The following PCDH15 variants were observed in gnomAD, a reference collection of about 807,000 sequenced individuals.
The protein encoded by PCDH15 is protocadherin related 15, also known as protocadherin-15.
In PCDH15, 129 loss-of-function variants were observed where a neutral mutation model predicts 178.5. The ratio of observed to expected loss-of-function variants is 0.72; its 90% CI spans 0.63 to 0.84. The LOEUF (loss-of-function observed/expected upper bound fraction) is 0.84. PCDH15 is among the 40% of genes least tolerant of loss of function. The pLI is 0.00. For missense variants in PCDH15, 2,230 were observed against 2,099.9 expected, an observed-to-expected ratio of 1.06 and a Z score of -1.21; for synonymous variants, 800 against 732.0, an observed-to-expected ratio of 1.09 and a Z score of -1.50.
At chr10:53,862,901 T>G (rs201144329) in intron 27 of PCDH15, among the ~76,000 whole-genome samples, 1 of 152,148 alleles carries the variant, frequency 6.6e-6, no homozygotes, top group Admixed American at 6.5e-5. Flanking sequence ...GCTGCCTAGA[T>G]AGATATACAG....
At chr10:54,592,913 T>G (rs1253128022) in intron 2 of PCDH15, among the ~76,000 whole-genome samples, 2 of 152,192 alleles carry the variant, frequency 1.3e-5, no homozygotes, top group Non-Finnish European at 2.9e-5. Context: ...GGTTTTGATT[T>G]GTATTTCCTG....
At chr10:54,252,950 G>T (rs2056609648) in intron 8 of PCDH15, among the ~76,000 whole-genome samples, 1 of 151,792 alleles carries the variant, frequency 6.6e-6, no homozygotes, top group South Asian at 2.1e-4. Context: ...TGCCTTACTT[G>T]GTGCCTGACA....
chr10:55,030,463 C>G (rs1320811860), intron 2 of PCDH15, among the ~76,000 whole-genome samples: 4 of 152,096 alleles, frequency 2.6e-5, no homozygotes, highest in Admixed American at 6.6e-5. Context: ...CTGGATAATA[C>G]AAGGCTTAGC....
intron 2 of PCDH15, among the ~76,000 whole-genome samples, chr10:55,538,579 T>C (rs1841657642): frequency 1.9e-5 from 1 of 51,410 alleles, no homozygotes; most frequent in Non-Finnish European, 3.8e-5. Flanking sequence ...CCTTCCTCCT[T>C]TCCTTCCTTC....
intron 2 of PCDH15, among the ~76,000 whole-genome samples, chr10:55,428,195 T>C (rs1838801894): frequency 6.6e-6 from 1 of 152,036 alleles, no homozygotes; most frequent in Non-Finnish European, 1.5e-5. Context: ...TATTAATGTG[T>C]TGTTAAAGCA....
intron 15 of PCDH15, among the ~76,000 whole-genome samples, chr10:54,119,560 C>A (rs73239926): frequency 1.3e-5 from 2 of 151,816 alleles, no homozygotes; most frequent in East Asian, 1.9e-4. Flanking sequence ...AGAAAACAAC[C>A]TGGAAATTAC....
chr10:55,356,281 G>A (rs1316608401), intron 2 of PCDH15, among the ~76,000 whole-genome samples: 1 of 151,504 alleles, frequency 6.6e-6, no homozygotes, highest in African/African-American at 2.4e-5. Flanking sequence ...ATAAGAGATG[G>A]GAGAAAGGAG....
At chr10:54,653,283 T>C (rs1015473903) in intron 2 of PCDH15, among the ~76,000 whole-genome samples, 4 of 152,188 alleles carry the variant, frequency 2.6e-5, no homozygotes, top group Admixed American at 1.3e-4. Flanking sequence ...CATTAAATAA[T>C]TGGACATTCA....
intron 21 of PCDH15, among the ~76,000 whole-genome samples, chr10:53,976,088 T>A (rs2090159542): frequency 6.6e-6 from 1 of 152,154 alleles, no homozygotes; most frequent in Non-Finnish European, 1.5e-5. Flanking sequence ...GGTGTGTGAC[T>A]TTATTTCTGA....
chr10:54,748,654 C>T (rs1325735282), intron 1 of PCDH15, among the ~76,000 whole-genome samples: 6 of 152,104 alleles, frequency 3.9e-5, no homozygotes, highest in Non-Finnish European at 8.8e-5. Context: ...AAAGGGTTTC[C>T]GGTGCACTCT....
chr10:55,304,250 A>G (rs1214180587), intron 1 of PCDH15, among the ~76,000 whole-genome samples: 1 of 152,146 alleles, frequency 6.6e-6, no homozygotes, highest in Admixed American at 6.5e-5. Context: ...TTGGATGGAA[A>G]TAATAGGTTT....
intron 3 of PCDH15, among the ~76,000 whole-genome samples, chr10:54,412,098 G>A (rs1015522698): frequency 6.6e-5 from 10 of 151,928 alleles, no homozygotes; most frequent in Non-Finnish European, 1.5e-4. Flanking sequence ...CATGTGATGG[G>A]CAAAAGAGCC....
intron 2 of PCDH15, among the ~76,000 whole-genome samples, chr10:54,569,873 G>A (rs1365529729): frequency 2.6e-5 from 4 of 152,080 alleles, no homozygotes; most frequent in African/African-American, 7.2e-5. Flanking sequence ...TCTCGTAGGT[G>A]GTGTGACCTC....
intron 2 of PCDH15, among the ~76,000 whole-genome samples, chr10:55,552,131 G>T (rs1416373599): frequency 6.6e-6 from 1 of 151,670 alleles, no homozygotes; most frequent in African/African-American, 2.4e-5. Context: ...TTCAAGGAAG[G>T]CTTAAATGCT....
At chr10:54,841,421 G>A (rs1355621610) in intron 3 of PCDH15, among the ~76,000 whole-genome samples, 2 of 151,676 alleles carry the variant, frequency 1.3e-5, no homozygotes, top group East Asian at 1.9e-4. Context: ...TCCTAAGAAG[G>A]TAGTTTATAG....
intron 2 of PCDH15, among the ~76,000 whole-genome samples, chr10:55,507,377 A>AACAC (rs970788731): frequency 3.3e-5 from 5 of 150,924 alleles, no homozygotes; most frequent in Non-Finnish European, 5.9e-5. Flanking sequence ...CACATACACA[A>AACAC]ACACACACAC....
intron 3 of PCDH15, among the ~76,000 whole-genome samples, chr10:54,478,931 T>C (rs1272988358): frequency 1.3e-5 from 2 of 151,754 alleles, no homozygotes; most frequent in East Asian, 3.9e-4. Context: ...GTAGAGTTAT[T>C]ATGTGTGTCA....
At chr10:54,543,402 T>G (rs1052078982) in intron 2 of PCDH15, among the ~76,000 whole-genome samples, 24 of 151,786 alleles carry the variant, frequency 1.6e-4, no homozygotes, top group Non-Finnish European at 1.5e-5. Context: ...GACACTGGGG[T>G]CAGAGCCCCA....
chr10:55,318,443 A>T (rs575879516), intron 1 of PCDH15, among the ~76,000 whole-genome samples: 2 of 152,296 alleles, frequency 1.3e-5, no homozygotes, highest in Non-Finnish European at 2.9e-5. Context: ...TCAGATTTAA[A>T]ACAAAAAGAA....
Sources: gnomAD v4.1 joint callset for allele counts (sites outside exome capture counted in the v4.1 genomes callset) on GRCh38, gnomAD v4.1.1 for gene constraint, MANE v1.5 for transcripts, NCBI Gene and HGNC (gene_info 2026-07-23, HGNC 2026-07-21) for gene names.